The following AP1B1 variants were observed in gnomAD, a reference collection of about 807,000 sequenced individuals.
AP1B1 encodes AP-1 complex subunit beta-1.
AP1B1 carries 36 observed loss-of-function variants against 104.3 expected under a neutral mutation model. The ratio of observed to expected loss-of-function variants is 0.35; its 90% CI spans 0.26 to 0.46. The LOEUF (loss-of-function observed/expected upper bound fraction) is 0.46. Ranked by LOEUF, AP1B1 falls within the 20% of genes least tolerant of loss-of-function variation. The pLI is 1.00. For synonymous variants in AP1B1, 504 were observed against 517.5 expected, an observed-to-expected ratio of 0.97 and a Z score of 0.35; for missense variants, 901 against 1,247.9, an observed-to-expected ratio of 0.72 and a Z score of 4.19.
chr22:29,349,793 G>T (rs2061845942), intron 10 of AP1B1, among the ~76,000 whole-genome samples: 1 of 152,212 alleles, frequency 6.6e-6, no homozygotes, highest in Non-Finnish European at 1.5e-5. Flanking sequence ...TGGGATTACA[G>T]GCAAGAGCCA....
rs1031143451 is a variant in AP1B1 at position 29,351,685 on chromosome 22, G to A, written c.1059+20C>T. 6.2e-7 allele frequency: 1 copy of A among 1,613,094 alleles called. No homozygotes were observed. The highest frequency in any genetic ancestry group is 8.5e-7 in the Non-Finnish European group (1 of 1,179,820). ...TGGTCCCACACTGAGCCCGTGTCCT[G>A]ACCATCACACGCAGCTGACCTGGGC... On this transcript the variant is annotated intron_variant, in intron 8 of 22. Transcript: ENST00000357586.
chr22:29,378,703 C>T (rs2062387324), intron 1 of AP1B1, among the ~76,000 whole-genome samples: 1 of 150,476 alleles, frequency 6.6e-6, no homozygotes, highest in Non-Finnish European at 1.5e-5. Context: ...ACTAAAAATA[C>T]AAAAAATTAG....
chr22:29,355,606 G>C lies in AP1B1; in HGVS notation c.717-735C>G, dbSNP rs986261155. Among the ~76,000 whole-genome samples the C allele has an allele frequency of 9.2e-5, 14 of 152,014 alleles. 1 individual carries two copies. The highest frequency in any genetic ancestry group is 3.1e-4 in the African/African-American group (13 of 41,364). The stretch of plus-strand genomic sequence containing the variant: ...CAAGATGATGATGCCTACTTCACAG[G>C]GTTGCTAGGGGCTTAACTGACACAA... On this transcript the variant is annotated intron_variant, in intron 6 of 22. Coordinates refer to ENST00000357586, the MANE Select transcript of AP1B1 (RefSeq NM_001127.4).
At chr22:29,342,451 G>T (rs1196156954) in intron 11 of AP1B1, 68 bp from the exon 12 acceptor site, 1 of 1,331,684 alleles carries the variant, frequency 7.5e-7, no homozygotes. Context: ...GAACAAAAAG[G>T]CTTGAAGAGG....
intron 3 of AP1B1, among the ~76,000 whole-genome samples, chr22:29,361,237 C>T (rs2062040673): frequency 6.6e-6 from 1 of 152,220 alleles, no homozygotes; most frequent in African/African-American, 2.4e-5. Flanking sequence ...AAAGGGCTCT[C>T]TGCAGAGCCC....
At chr22:29,353,524 A>T (rs1275634455) in intron 7 of AP1B1, among the ~76,000 whole-genome samples, 1 of 152,162 alleles carries the variant, frequency 6.6e-6, no homozygotes, top group Non-Finnish European at 1.5e-5. Context: ...CCGTGACCCA[A>T]GGGCACTGGC....
chr22:29,364,657 G>A (rs1470583698), intron 2 of AP1B1, among the ~76,000 whole-genome samples: 18 of 151,590 alleles, frequency 1.2e-4, no homozygotes, highest in Admixed American at 2.6e-4. Context: ...CTCGTGATCC[G>A]CCCGCCTTGG....
At chr22:29,386,856 C>T (rs1337716071) in intron 1 of AP1B1, among the ~76,000 whole-genome samples, 3 of 152,128 alleles carry the variant, frequency 2.0e-5, no homozygotes, top group Admixed American at 2.0e-4. Context: ...ATTCATACAG[C>T]CTAGTCCTCC....
At chr22:29,357,189 G>A (rs1404520600) in intron 5 of AP1B1, among the ~76,000 whole-genome samples, 6 of 150,944 alleles carry the variant, frequency 4.0e-5, no homozygotes, top group Admixed American at 1.3e-4. Context: ...TCAGCCTCCC[G>A]AGTAGCTGGG....
At chr22:29,383,371 G>T (rs974306388) in intron 1 of AP1B1, among the ~76,000 whole-genome samples, 2 of 152,160 alleles carry the variant, frequency 1.3e-5, no homozygotes, top group African/African-American at 4.8e-5. Flanking sequence ...ATGGAACTCA[G>T]CTACTGAAAT....
chr22:29,351,326 C>T (rs1170839557), intron 8 of AP1B1, 60 bp from the exon 9 acceptor site: 1 of 1,553,588 alleles, frequency 6.4e-7, no homozygotes, highest in East Asian at 2.2e-5. Context: ...TGCTGGAACA[C>T]TCCTGGGCAG....
chr22:29,381,860 T>C (rs2148056554), intron 1 of AP1B1, among the ~76,000 whole-genome samples: 1 of 151,864 alleles, frequency 6.6e-6, no homozygotes, highest in South Asian at 2.1e-4. Flanking sequence ...TCTTTGTTCC[T>C]CTAACAGCCA....
chr22:29,387,367 G>A (rs962522608), intron 1 of AP1B1, among the ~76,000 whole-genome samples: 20 of 146,692 alleles, frequency 1.4e-4, no homozygotes, highest in South Asian at 4.3e-4. Context: ...GAGTGCAGTC[G>A]CACGATCTCG....
intron 1 of AP1B1, among the ~76,000 whole-genome samples, chr22:29,386,913 C>T (rs2062532851): frequency 6.6e-6 from 1 of 152,238 alleles, no homozygotes; most frequent in Non-Finnish European, 1.5e-5. Context: ...GTGCTCTGCT[C>T]TGGCAAGAAG....
At chr22:29,329,107 C>A (rs918812930) in intron 22 of AP1B1, 2 of 1,371,940 alleles carry the variant, frequency 1.5e-6, no homozygotes, top group African/African-American at 2.9e-5. Flanking sequence ...GCAGCCCACA[C>A]ACCTGCTGTC....
rs2061511927 is a variant in AP1B1 at position 29,328,689 on chromosome 22, AT to A, written c.*131del. 4 of 1,181,468 alleles carry A rather than the reference AT, an allele frequency of 3.4e-6. No homozygotes were observed. The highest frequency in any genetic ancestry group is 2.3e-5 in the Admixed American group (1 of 42,646). The allele number at this position is 1,181,468 out of a possible 1,614,324, so 73.2% of individuals were successfully genotyped here. On this transcript the variant is annotated 3_prime_UTR_variant, in exon 23 of 23. Coordinates refer to ENST00000357586, the MANE Select transcript of AP1B1 (RefSeq NM_001127.4). This position sits in a 1 kb window ranked among gnomAD's most constrained non-coding sequence, Gnocchi z 4.1. ...CCCCAGGGATCGGGTGGGTTCTGCC[AT>A]CAGGACCAGGGAGCCCACTGAGTGG...
chr22:29,349,992 A>C, intron 10 of AP1B1, 43 bp downstream of exon 10: 1 of 1,491,052 alleles, frequency 6.7e-7, no homozygotes, highest in Non-Finnish European at 9.4e-7. Context: ...CCCTGTCCCC[A>C]GGCAGAGCTA....
rs1341124437 is a variant in AP1B1 at position 29,328,527 on chromosome 22, A to T, written c.*294T>A. Reference sequence around the variant, plus strand: ...CAAGCTCCACACTCACCCTTCAGGCACAGCTTCTGTGGCTGCTCTGGCTCT... The same window carrying T: ...CAAGCTCCACACTCACCCTTCAGGCTCAGCTTCTGTGGCTGCTCTGGCTCT... On this transcript the variant is annotated 3_prime_UTR_variant, in exon 23 of 23. Coordinates refer to ENST00000357586, the MANE Select transcript of AP1B1 (RefSeq NM_001127.4). This position sits in a 1 kb window ranked among gnomAD's most constrained non-coding sequence, Gnocchi z 4.1. The T allele has an allele frequency of 8.1e-6, 3 of 368,866 alleles. No homozygotes were observed. Among genetic ancestry groups the T allele is most frequent in the African/African-American group, 6.3e-5 (3 of 47,984 alleles). 22.8% of individuals were successfully genotyped at this position (368,866 alleles called of 1,614,324 possible).
intron 1 of AP1B1, among the ~76,000 whole-genome samples, chr22:29,371,826 G>A (rs900618992): frequency 5.3e-5 from 8 of 152,154 alleles, no homozygotes. Context: ...GTTAATTACG[G>A]GGAATTTTTG....
Sources: gnomAD v4.1 joint callset for allele counts (sites outside exome capture counted in the v4.1 genomes callset) on GRCh38, gnomAD v4.1.1 for gene constraint, Gnocchi (gnomAD v3.1) non-coding constraint, MANE v1.5 for transcripts, NCBI Gene and HGNC (gene_info 2026-07-23, HGNC 2026-07-21) for gene names.